TAFA2: variants seen among roughly 807,000 people sequenced by gnomAD.
The protein encoded by TAFA2 is TAFA chemokine like family member 2, also known as chemokine-like protein TAFA-2.
A neutral mutation model predicts 18.8 loss-of-function variants in TAFA2; 7 were observed. The ratio of observed to expected loss-of-function variants is 0.37; its 90% CI spans 0.21 to 0.70. The LOEUF is 0.70. Among genes scored for constraint, TAFA2 ranks in the 30% least tolerant of loss-of-function variants. The pLI is 0.53. For synonymous variants in TAFA2, 60 were observed against 54.2 expected (o/e 1.11, Z -0.47); for missense variants, 122 against 158.1 (o/e 0.77, Z 1.23).
At chr12:62,008,756 A>G (rs1880638188) in intron 1 of TAFA2, among the ~76,000 whole-genome samples, 1 of 152,210 alleles carries the variant, frequency 6.6e-6, no homozygotes, top group Admixed American at 6.5e-5. Flanking sequence ...ATTACACACA[A>G]GAAAGATGAT....
intron 1 of TAFA2, chr12:61,880,886 C>T (rs937290436): frequency 1.1e-5 from 2 of 175,980 alleles, no homozygotes; most frequent in Admixed American, 1.2e-4. Context: ...GAGACTCAGC[C>T]CTAGCCCTCA....
intron 1 of TAFA2, among the ~76,000 whole-genome samples, chr12:62,038,593 G>A (rs1352438351): frequency 6.6e-6 from 1 of 152,050 alleles, no homozygotes; most frequent in Non-Finnish European, 1.5e-5. Flanking sequence ...CACATACTTT[G>A]GTAAGCAAGG....
At chr12:61,771,910 A>T (rs1036968596) in intron 2 of TAFA2, among the ~76,000 whole-genome samples, 7 of 2,510 alleles carry the variant, frequency 2.8e-3, no homozygotes, top group African/African-American at 8.1e-3. Context: ...AAATTGAAAC[A>T]AAAAAAAAAA....
At chr12:62,144,001 T>C (rs987541710) in intron 1 of TAFA2, among the ~76,000 whole-genome samples, 1 of 135,302 alleles carries the variant, frequency 7.4e-6, no homozygotes, top group Non-Finnish European at 1.5e-5. Context: ...TGAGCTGAGA[T>C]CATGCCACTG....
chr12:61,815,937 G>A (rs1362018285), intron 2 of TAFA2, among the ~76,000 whole-genome samples: 1 of 151,112 alleles, frequency 6.6e-6, no homozygotes, highest in Non-Finnish European at 1.5e-5. Context: ...AATAAACCAA[G>A]GGGATAAATT....
rs199648593 is a variant in TAFA2 at position 61,908,812 on chromosome 12, CAGG to C, written c.-1-41389_-1-41387del. The stretch of plus-strand genomic sequence containing the variant: ...GGTTTTTGCCTGTATCTAAGAATGA[CAGG>C]AGAACTATATAATATGCCATGGTCT... On this transcript the variant is annotated intron_variant, in intron 1 of 4. Transcript: ENST00000416284. 5.9e-4 allele frequency among the ~76,000 whole-genome samples: 90 copies of C among 152,256 alleles called. 1 individual carries two copies. In the East Asian group the frequency reaches 0.017, roughly 28 times the overall value.
At chr12:62,122,611 A>C (rs2136881475) in intron 1 of TAFA2, among the ~76,000 whole-genome samples, 1 of 152,300 alleles carries the variant, frequency 6.6e-6, no homozygotes, top group Non-Finnish European at 1.5e-5. Context: ...TTTCTGATGA[A>C]CCCAAGATTC....
rs184001572 is a variant in TAFA2 at position 62,012,205 on chromosome 12, T to C, written c.-1-144779A>G. Among the ~76,000 whole-genome samples, 345 of 152,304 alleles carry C rather than the reference T, an allele frequency of 2.3e-3. 2 individuals carry two copies. Among genetic ancestry groups the C allele is most frequent in the Non-Finnish European group, 3.4e-3 (229 of 68,014 alleles). Reference sequence around the variant, plus strand: ...AAACCACCTCATATACACTGGTGCATTGAGAAACATCAATAAATGTTAATT... The same window carrying C: ...AAACCACCTCATATACACTGGTGCACTGAGAAACATCAATAAATGTTAATT... On this transcript the variant is annotated intron_variant, in intron 1 of 4. Transcript: ENST00000416284.
chr12:61,856,823 ATGTTTATT>A (rs1212077455), intron 2 of TAFA2, among the ~76,000 whole-genome samples: 6 of 151,888 alleles, frequency 4.0e-5, no homozygotes, highest in African/African-American at 1.4e-4. Flanking sequence ...ATATATGTGA[ATGTTTATT>A]ACAGCATTAT....
intron 2 of TAFA2, among the ~76,000 whole-genome samples, chr12:61,859,608 T>C (rs1874040084): frequency 6.6e-6 from 1 of 152,104 alleles, no homozygotes; most frequent in Admixed American, 6.5e-5. Context: ...CATGCCCAGC[T>C]AATCTTTGTA....
In TAFA2 at chr12:61,867,554, AT is replaced by A. The variant is rs1874412686; in HGVS notation, c.-1-129del. ...AACTTCTGAAAACTGTATTTCTTGT[AT>A]TTAAAATGCTGTTCACTGTATACAA... On this transcript the variant is annotated intron_variant, in intron 1 of 4. Coordinates refer to ENST00000416284, the MANE Select transcript of TAFA2 (RefSeq NM_178539.5). The A allele has an allele frequency of 5.0e-6, 3 of 603,356 alleles. No individual in the cohort carries two copies. The South Asian group carries it at 6.2e-5, about 13-fold the overall frequency. The allele number at this position is 603,356 out of a possible 1,614,324, so 37.4% of individuals were successfully genotyped here. A position where few individuals can be genotyped will look rare whatever the true frequency, so the allele number is the denominator to read the frequency against.
intron 1 of TAFA2, among the ~76,000 whole-genome samples, chr12:62,025,669 A>G (rs1306820965): frequency 6.6e-6 from 1 of 152,136 alleles, no homozygotes; most frequent in African/African-American, 2.4e-5. Flanking sequence ...TAAAAATAAT[A>G]AACTCTGTTT....
At chr12:61,731,173 G>T (rs921581527) in intron 4 of TAFA2, among the ~76,000 whole-genome samples, 5 of 152,074 alleles carry the variant, frequency 3.3e-5, no homozygotes, top group African/African-American at 7.2e-5. Context: ...AGCTCTAGGT[G>T]AGGTTAAATC....
intron 2 of TAFA2, among the ~76,000 whole-genome samples, chr12:61,826,814 A>G (rs1317753126): frequency 2.6e-5 from 4 of 151,812 alleles, no homozygotes; most frequent in Non-Finnish European, 5.9e-5. Flanking sequence ...AACATTTTGT[A>G]CTTTTTTCTT....
At chr12:62,123,823 A>C (rs567926306) in intron 1 of TAFA2, among the ~76,000 whole-genome samples, 32 of 115,472 alleles carry the variant, frequency 2.8e-4, no homozygotes, top group African/African-American at 1.1e-3. Flanking sequence ...CCACCTTTTG[A>C]GGGAGAACTA....
intron 1 of TAFA2, among the ~76,000 whole-genome samples, chr12:62,136,905 T>C (rs145648348): frequency 2.0e-5 from 3 of 152,244 alleles, no homozygotes; most frequent in Non-Finnish European, 2.9e-5. Flanking sequence ...AGAAAATATA[T>C]GCATATGCAC....
intron 1 of TAFA2, among the ~76,000 whole-genome samples, chr12:62,208,274 T>C (rs1453289705): frequency 6.6e-6 from 1 of 151,956 alleles, no homozygotes; most frequent in Non-Finnish European, 1.5e-5. Context: ...CAAGGACATA[T>C]GAACCAAGTG....
chr12:62,111,633 T>C (rs1869735667), intron 1 of TAFA2, among the ~76,000 whole-genome samples: 2 of 152,230 alleles, frequency 1.3e-5, no homozygotes, highest in Non-Finnish European at 2.9e-5. Context: ...AGTCTCTTTG[T>C]AGGTCTCTAA....
intron 1 of TAFA2, among the ~76,000 whole-genome samples, chr12:61,960,738 C>T (rs955370704): frequency 1.4e-5 from 2 of 148,062 alleles, no homozygotes; most frequent in Non-Finnish European, 3.0e-5. Context: ...ATCCTTGTGT[C>T]TGTTTTTTAA....
Sources: gnomAD v4.1 joint callset for allele counts (sites outside exome capture counted in the v4.1 genomes callset) on GRCh38, gnomAD v4.1.1 for gene constraint, MANE v1.5 for transcripts, NCBI Gene and HGNC (gene_info 2026-07-23, HGNC 2026-07-21) for gene names.